DACT1: variants seen among roughly 807,000 people sequenced by gnomAD.
DACT1 encodes dapper homolog 1.
In DACT1, 19 loss-of-function variants were observed where a neutral mutation model predicts 35.3. The observed-to-expected ratio is 0.54, with a 90% CI of 0.38 to 0.79. The LOEUF (loss-of-function observed/expected upper bound fraction) is 0.79, where lower values mean the gene tolerates loss of function less well. Among genes scored for constraint, DACT1 ranks in the 30% least tolerant of loss-of-function variants. The pLI is 0.00. For synonymous variants in DACT1, 545 were observed against 466.7 expected, an observed-to-expected ratio of 1.17 and a Z score of -2.16; for missense variants, 1,143 against 1,057.5, an observed-to-expected ratio of 1.08 and a Z score of -1.12.
intron 3 of DACT1, among the ~76,000 whole-genome samples, chr14:58,642,726 T>A (rs1249012516): frequency 6.6e-6 from 1 of 152,176 alleles, no homozygotes; most frequent in Non-Finnish European, 1.5e-5. Flanking sequence ...TCACATTAAG[T>A]TAAATATGTC....
At chr14:58,643,317 G>A (rs1030493493) in intron 3 of DACT1, among the ~76,000 whole-genome samples, 9 of 152,228 alleles carry the variant, frequency 5.9e-5, no homozygotes, top group Non-Finnish European at 1.2e-4. Flanking sequence ...TCTTATAAGA[G>A]TAGAGAAAAT....
At chr14:58,642,676 A>G (rs1218799442) in intron 3 of DACT1, among the ~76,000 whole-genome samples, 1 of 152,232 alleles carries the variant, frequency 6.6e-6, no homozygotes, top group Non-Finnish European at 1.5e-5. Context: ...CCTGGGCAAC[A>G]GAGTGAGGCT....
chr14:58,634,094 G>C (rs1270542431), upstream of DACT1: 1 of 152,190 alleles, frequency 6.6e-6, no homozygotes, highest in African/African-American at 2.4e-5. Flanking sequence ...GGAAGCAGGA[G>C]CCTCTTGAAA....
chr14:58,641,827 T>A, intron 3 of DACT1, 80 bp downstream of exon 3: 1 of 1,374,964 alleles, frequency 7.3e-7, no homozygotes, highest in Non-Finnish European at 1.0e-6. Flanking sequence ...CTCCAGCACC[T>A]TTCACTGGTG....
upstream of DACT1, among the ~76,000 whole-genome samples, chr14:58,637,818 C>T (rs1398672434): frequency 4.0e-5 from 6 of 148,574 alleles, no homozygotes; most frequent in East Asian, 2.0e-4. Flanking sequence ...GAGGAGGAGG[C>T]GGCTCTGGGG....
At chr14:58,637,396 C>T (rs1190143800), upstream of DACT1, among the ~76,000 whole-genome samples, 1 of 152,246 alleles carries the variant, frequency 6.6e-6, no homozygotes, top group Non-Finnish European at 1.5e-5. Context: ...CTGCATTGTG[C>T]TCTGTATTGC....
Position 58,638,169 on chromosome 14 carries a change from T to A in DACT1, c.-34T>A. On this transcript the variant is annotated 5_prime_UTR_variant, in exon 1 of 4. Coordinates refer to ENST00000395153, the MANE Select transcript of DACT1 (RefSeq NM_001079520.2). ...TGCTCCTCCGCCTGGGCGGCCCGGC[T>A]GCGGTGACGGCTCTCGCTGCCCGAC... The A allele has an allele frequency of 7.8e-7, 1 of 1,275,140 alleles. No homozygotes were observed. The highest frequency in any genetic ancestry group is 9.9e-7 in the Non-Finnish European group (1 of 1,011,350). 79.0% of individuals were successfully genotyped at this position (1,275,140 alleles called of 1,614,324 possible). A position where few individuals can be genotyped will look rare whatever the true frequency, so the allele number is the denominator to read the frequency against.
At position 58,648,223 on chromosome 14, in the gene DACT1, T is replaced by C. The variant is rs1169015547; in HGVS notation, c.*1089T>C. On this transcript the variant is annotated 3_prime_UTR_variant, in exon 4 of 4. Coordinates refer to ENST00000395153, the MANE Select transcript of DACT1 (RefSeq NM_001079520.2). ...AAACAGTATGTGTTTTTATATATCA[T>C]TGTGTAAATTTAATATAACATATGC... is the stretch of plus-strand genomic sequence containing the variant. 2 of 167,066 alleles carry C rather than the reference T, an allele frequency of 1.2e-5. No individual in the cohort carries two copies. The highest frequency in any genetic ancestry group is 2.4e-5 in the African/African-American group (1 of 41,448). The allele number at this position is 167,066 out of a possible 1,614,324, so 10.3% of individuals were successfully genotyped here.
chr14:58,640,941 C>T, intron 2 of DACT1, 73 bp downstream of exon 2: 2 of 1,536,708 alleles, frequency 1.3e-6, no homozygotes, highest in Middle Eastern at 1.8e-4. Flanking sequence ...TTAACATTCC[C>T]AGACCTGCAA....
At position 58,646,429 on chromosome 14, in the gene DACT1, G is replaced by A. The variant is rs746708800; in HGVS notation, c.1695G>A (p.Arg565=). The A allele has an allele frequency of 2.5e-6, 4 of 1,596,144 alleles. No individual in the cohort carries two copies. The Admixed American group carries it at 7.4e-5, about 29-fold the overall frequency. Residue 565 remains arginine, a synonymous_variant, in exon 4 of 4, where the codon AGG becomes AGA. Coordinates refer to ENST00000395153, the MANE Select transcript of DACT1 (RefSeq NM_001079520.2). ...QGLENGLPTV[R]EKTRAGSKKC... ...TGGAGAACGGCTTGCCCACCGTCAG[G>A]GAGAAAACGCGGGCCGGGAGCAAGA...
rs1266442425 is a variant in DACT1, at chr14:58,644,957, G to A, written c.635-412G>A. Among the ~76,000 whole-genome samples the A allele has an allele frequency of 2.0e-5, 3 of 152,014 alleles. No individual in the cohort carries two copies. The East Asian group carries it at 5.8e-4, about 29-fold the overall frequency. Reference sequence around the variant, plus strand: ...CTAATAAGATTATAATCATATTCTAGTATTATATCATGATTTTCACTAAAC... The same window carrying A: ...CTAATAAGATTATAATCATATTCTAATATTATATCATGATTTTCACTAAAC... On this transcript the variant is annotated intron_variant, in intron 3 of 3. Transcript: ENST00000395153.
Position 58,647,408 on chromosome 14 carries a change from T to C in DACT1, c.*274T>C, listed in dbSNP as rs1022182822. The C allele has an allele frequency of 2.3e-6, 1 of 431,394 alleles. No homozygotes were observed. Among genetic ancestry groups the C allele is most frequent in the Admixed American group, 4.4e-5 (1 of 22,676 alleles). 26.7% of individuals were successfully genotyped at this position (431,394 alleles called of 1,614,324 possible). A position where few individuals can be genotyped will look rare whatever the true frequency, so the allele number is the denominator to read the frequency against. On this transcript the variant is annotated 3_prime_UTR_variant, in exon 4 of 4. Coordinates refer to ENST00000395153, the MANE Select transcript of DACT1 (RefSeq NM_001079520.2). Reference sequence around the variant, plus strand: ...GCACCAGCTGTTTTTTATTTTAAACTTTCTGAGCATCCGGCAAGGTACAGG... The same window carrying C: ...GCACCAGCTGTTTTTTATTTTAAACCTTCTGAGCATCCGGCAAGGTACAGG...
chr14:58,642,425 A>C (rs182442102), intron 3 of DACT1, among the ~76,000 whole-genome samples: 1 of 151,898 alleles, frequency 6.6e-6, no homozygotes. Context: ...TAGAGGTCAT[A>C]GTGAGCCGAG....
chr14:58,636,260 T>C (rs547738421), upstream of DACT1, among the ~76,000 whole-genome samples: 2 of 152,332 alleles, frequency 1.3e-5, no homozygotes, highest in East Asian at 3.9e-4. Flanking sequence ...TTAATTCTAT[T>C]TGTAGTAGAG....
intron 1 of DACT1, 34 bp from the exon 2 acceptor site, chr14:58,640,702 T>G (rs201916430): frequency 1.7e-5 from 27 of 1,613,294 alleles, no homozygotes; most frequent in African/African-American, 2.7e-5. Context: ...GTCACCCCTG[T>G]ATGTTCATGT....
At chr14:58,639,035 A>ACTGGAGCGCCTGTAGGGAG in intron 1 of DACT1, 1 of 985,026 alleles carries the variant, frequency 1.0e-6, no homozygotes, top group Non-Finnish European at 1.2e-6. Context: ...TTACGATTAC[A>ACTGGAGCGCCTGTAGGGAG]CTGGAGCGCC....
At chr14:58,642,013 C>T (rs2047631483) in intron 3 of DACT1, among the ~76,000 whole-genome samples, 1 of 152,212 alleles carries the variant, frequency 6.6e-6, no homozygotes, top group Non-Finnish European at 1.5e-5. Context: ...TATTGTAGGT[C>T]TTGAGCTCTG....
At chr14:58,637,230 A>G (rs1427987817), upstream of DACT1, among the ~76,000 whole-genome samples, 1 of 152,262 alleles carries the variant, frequency 6.6e-6, no homozygotes, top group African/African-American at 2.4e-5. Flanking sequence ...CAAAAACCAA[A>G]GCGCGCACGC....
upstream of DACT1, among the ~76,000 whole-genome samples, chr14:58,637,407 T>C (rs905641508): frequency 6.6e-5 from 10 of 152,252 alleles, no homozygotes; most frequent in Admixed American, 5.9e-4. Flanking sequence ...TCTGTATTGC[T>C]TGCCTTTACA....
Sources: allele counts gnomAD v4.1 joint callset (sites outside exome capture counted in the v4.1 genomes callset), GRCh38; gene constraint gnomAD v4.1.1; transcripts MANE v1.5; gene names NCBI Gene and HGNC (gene_info 2026-07-23, HGNC 2026-07-21).